HERC1: variants seen among roughly 807,000 people sequenced by gnomAD.
HERC1 encodes the protein HECT and RLD domain containing E3 ubiquitin protein ligase family member 1.
In HERC1, 160 loss-of-function variants were observed where a neutral mutation model predicts 554.3. The observed-to-expected ratio is 0.29, with a 90% CI of 0.25 to 0.33. The LOEUF (loss-of-function observed/expected upper bound fraction) is 0.33. HERC1 is among the 10% of genes least tolerant of loss of function. The pLI is 1.00. For missense variants in HERC1, 4,919 were observed against 5,918.5 expected (o/e 0.83, Z 5.54); for synonymous variants, 2,175 against 2,131.7 (o/e 1.02, Z -0.56).
intron 53 of HERC1, among the ~76,000 whole-genome samples, chr15:63,650,635 GA>G (rs1420759031): frequency 6.6e-6 from 1 of 152,004 alleles, no homozygotes; most frequent in Non-Finnish European, 1.5e-5. Flanking sequence ...AGAGTGTAAA[GA>G]AAAACACTGA....
rs1427836655 is a variant in HERC1, at chr15:63,749,369, G to A, written c.2217C>T (p.Asp739=). 6.2e-7 allele frequency: 1 copy of A among 1,602,650 alleles called. No homozygotes were observed. Among genetic ancestry groups the A allele is most frequent in the Non-Finnish European group, 8.5e-7 (1 of 1,176,144 alleles). ...TTTTTAAACATAGGCACTCTTACCT[G>A]TCCCTAGGAAGAGCAGTCCATGCCA... ...HSLAWTALPR[D]RQVVAWHRPY... The change falls in exon 10 of 78, where the codon GAC becomes GAT. Residue 739 remains aspartate, a splice_region_variant and synonymous_variant. Transcript: ENST00000443617. The surrounding 1 kb of genome is among the most constrained non-coding windows in gnomAD (Gnocchi z 4.1).
intron 1 of HERC1, among the ~76,000 whole-genome samples, chr15:63,798,260 C>T (rs992298123): frequency 6.6e-6 from 1 of 152,196 alleles, no homozygotes; most frequent in Non-Finnish European, 1.5e-5. Flanking sequence ...CATCTTTCTA[C>T]AAACCAAAAT....
Position 63,758,071 on chromosome 15 carries a change from G to T in HERC1, c.1221+104C>A. 3.7e-6 allele frequency: 3 copies of T among 816,988 alleles called. No individual in the cohort carries two copies. Among genetic ancestry groups the T allele is most frequent in the Non-Finnish European group, 5.6e-6 (3 of 532,808 alleles). 50.6% of individuals were successfully genotyped at this position (816,988 alleles called of 1,614,324 possible). A position where few individuals can be genotyped will look rare whatever the true frequency, so the allele number is the denominator to read the frequency against. On this transcript the variant is annotated intron_variant, in intron 4 of 77. Coordinates refer to ENST00000443617, the MANE Select transcript of HERC1 (RefSeq NM_003922.4). The surrounding 1 kb of genome is among the most constrained non-coding windows in gnomAD (Gnocchi z 4.0). ...AGTATATAGACCAGAAATAACCATC[G>T]ATAATTTTCACTCATTTAAAAAATA...
At chr15:63,787,474 A>T (rs1457652518) in intron 1 of HERC1, among the ~76,000 whole-genome samples, 2 of 152,178 alleles carry the variant, frequency 1.3e-5, no homozygotes, top group Non-Finnish European at 2.9e-5. Flanking sequence ...TATTTAAATT[A>T]AAAAAATATA....
intron 52 of HERC1, among the ~76,000 whole-genome samples, chr15:63,651,715 A>G (rs1372561697): frequency 2.6e-5 from 4 of 152,336 alleles, no homozygotes; most frequent in Non-Finnish European, 5.9e-5. Flanking sequence ...AATACTTCAG[A>G]AAAGAAATAG....
chr15:63,755,611 T>G (rs985612858), intron 5 of HERC1, among the ~76,000 whole-genome samples: 1 of 152,128 alleles, frequency 6.6e-6, no homozygotes, highest in African/African-American at 2.4e-5. Flanking sequence ...AAACCCTGTT[T>G]CTTTTAAAAA....
intron 12 of HERC1, among the ~76,000 whole-genome samples, chr15:63,735,860 A>G (rs1177947245): frequency 6.6e-6 from 1 of 152,226 alleles, no homozygotes; most frequent in Non-Finnish European, 1.5e-5. Flanking sequence ...TAAGAACAGG[A>G]CAAATCTTTA....
rs781715501 is a variant in HERC1 at position 63,718,609 on chromosome 15, G to A, written c.3943C>T (p.Leu1315Phe). ...SRLLACKNLE[L>F]IQTRSSSRDR... ...CGTGATGATGACCTTGTTTGAATAA[G>A]TTCAAGGTTCTTGCAAGCAAGTAAA... The change falls in exon 21 of 78, where the codon CTT (leucine) becomes TTT (phenylalanine). Residue 1315 changes from leucine (L) to phenylalanine (F), a missense_variant. By Grantham distance (22) the Leu-to-Phe change is conservative. Coordinates refer to ENST00000443617, the MANE Select transcript of HERC1 (RefSeq NM_003922.4). The surrounding 1 kb of genome is among the most constrained non-coding windows in gnomAD (Gnocchi z 4.2). 9 of 1,586,994 alleles carry A rather than the reference G, an allele frequency of 5.7e-6. No homozygotes were observed. The African/African-American group carries it at 1.2e-4, about 21-fold the overall frequency.
intron 25 of HERC1, among the ~76,000 whole-genome samples, chr15:63,705,839 G>C (rs960835384): frequency 6.6e-6 from 1 of 152,046 alleles, no homozygotes. Flanking sequence ...AGACCAGCCT[G>C]GGCAAATAGG....
rs1271107454 is a variant in HERC1, at chr15:63,729,551, T to C, written c.2967A>G (p.Leu989=). ...CCAGCAGCTGTTTCTGTAGTGAACATAGCAGTTCATGAAGATGAGCAGGCT... is the reference window on the plus strand; with the variant it reads ...CCAGCAGCTGTTTCTGTAGTGAACACAGCAGTTCATGAAGATGAGCAGGCT... ...NSQPAHLHEL[L]CSLQKQLLAF... Residue 989 remains leucine, a synonymous_variant, in exon 15 of 78, where the codon CTA becomes CTG. Coordinates refer to ENST00000443617, the MANE Select transcript of HERC1 (RefSeq NM_003922.4). The C allele has an allele frequency of 5.0e-6, 8 of 1,613,514 alleles. No homozygotes were observed. Among genetic ancestry groups the C allele is most frequent in the East Asian group, 4.5e-5 (2 of 44,884 alleles).
chr15:63,701,791 T>C (rs978971270), intron 25 of HERC1, among the ~76,000 whole-genome samples: 1 of 151,486 alleles, frequency 6.6e-6, no homozygotes, highest in Non-Finnish European at 1.5e-5. Context: ...ATTTATAATA[T>C]GGAAATGGGA....
chr15:63,692,343 TG>T lies in HERC1; in HGVS notation c.5830+67del. On this transcript the variant is annotated intron_variant, in intron 31 of 77. Transcript: ENST00000443617. The surrounding 1 kb of genome is among the most constrained non-coding windows in gnomAD (Gnocchi z 4.7). ...TTACACATGGAGTGTTGCTAAAGTC[TG>T]GCATTATCTTAATAAAATGCAAGTA... 1 of 1,253,050 alleles carries T rather than the reference TG, an allele frequency of 8.0e-7. No individual in the cohort carries two copies. The allele number at this position is 1,253,050 out of a possible 1,614,324, so 77.6% of individuals were successfully genotyped here. A position where few individuals can be genotyped will look rare whatever the true frequency, so the allele number is the denominator to read the frequency against.
chr15:63,615,144 A>T, intron 76 of HERC1, among the ~76,000 whole-genome samples: 1 of 152,234 alleles, frequency 6.6e-6, no homozygotes, highest in Admixed American at 6.5e-5. Context: ...GGAAGCAGTA[A>T]GACATGAGGA....
chr15:63,770,480 T>C (rs2075918370), intron 2 of HERC1, among the ~76,000 whole-genome samples: 1 of 152,232 alleles, frequency 6.6e-6, no homozygotes, highest in Non-Finnish European at 1.5e-5. Flanking sequence ...TAGCAGTATC[T>C]GGCACAACAT....
At chr15:63,782,903 T>C (rs74320127) in intron 1 of HERC1, among the ~76,000 whole-genome samples, 4 of 152,072 alleles carry the variant, frequency 2.6e-5, no homozygotes, top group Admixed American at 6.6e-5. Flanking sequence ...GTGGTGGAAA[T>C]AGCAAGAGAA....
chr15:63,644,683 G>A (rs1301777032), intron 57 of HERC1, among the ~76,000 whole-genome samples: 1 of 152,104 alleles, frequency 6.6e-6, no homozygotes, highest in Admixed American at 6.5e-5. Flanking sequence ...GGATGGATGT[G>A]CTCCCATGGA....
At chr15:63,634,961 G>T in intron 65 of HERC1, 73 bp from the exon 66 acceptor site, 4 of 1,082,648 alleles carry the variant, frequency 3.7e-6, no homozygotes, top group Non-Finnish European at 2.7e-6. Flanking sequence ...GCCATTTTTG[G>T]TATTAATATA....
At chr15:63,819,391 T>A (rs1191836774) in intron 1 of HERC1, among the ~76,000 whole-genome samples, 1 of 152,222 alleles carries the variant, frequency 6.6e-6, no homozygotes, top group Non-Finnish European at 1.5e-5. Context: ...AAGTATTTTA[T>A]AAACTAAAAA....
chr15:63,791,300 A>G (rs962277594), intron 1 of HERC1, among the ~76,000 whole-genome samples: 2 of 152,196 alleles, frequency 1.3e-5, no homozygotes, highest in African/African-American at 2.4e-5. Context: ...GAAATGTTCC[A>G]ATGAGCATCT....
Sources: allele counts gnomAD v4.1 joint callset (sites outside exome capture counted in the v4.1 genomes callset), GRCh38; gene constraint gnomAD v4.1.1; non-coding constraint Gnocchi (gnomAD v3.1); transcripts MANE v1.5; gene names NCBI Gene and HGNC (gene_info 2026-07-23, HGNC 2026-07-21).